Variants in WDR72 observed in about 807,000 individuals in gnomAD.
WDR72 encodes the protein WD repeat domain 72.
Under a neutral mutation model 124.2 loss-of-function variants are expected in WDR72, and 120 were observed. The ratio of observed to expected loss-of-function variants is 0.97; its 90% confidence interval spans 0.83 to 1.12. The LOEUF (loss-of-function observed/expected upper bound fraction) is 1.12. WDR72 is among the 50% of genes most tolerant of loss of function. WDR72 has a pLI of 0.00. For missense variants in WDR72, 1,387 were observed against 1,278.8 expected, an observed-to-expected ratio of 1.08 and a Z score of -1.29; for synonymous variants, 452 against 441.7, an observed-to-expected ratio of 1.02 and a Z score of -0.29.
chr15:53,514,218 T>C lies in WDR72; in HGVS notation c.*3481A>G, dbSNP rs1891318459. The C allele has an allele frequency of 6.6e-6, 1 of 152,214 alleles. No homozygotes were observed. The highest frequency in any genetic ancestry group is 6.5e-5 in the Admixed American group (1 of 15,270). 9.4% of individuals were successfully genotyped at this position (152,214 alleles called of 1,614,324 possible). On this transcript the variant is annotated 3_prime_UTR_variant, in exon 20 of 20. Coordinates refer to ENST00000360509, the MANE Select transcript of WDR72 (RefSeq NM_182758.4). ...GGAAATTAAACACAACTTTTGGCAC[T>C]TTACATATAAGACAACATTTTGTGG...
intron 1 of WDR72, among the ~76,000 whole-genome samples, chr15:53,734,501 C>T (rs1451759581): frequency 6.6e-6 from 1 of 152,148 alleles, no homozygotes; most frequent in Non-Finnish European, 1.5e-5. Context: ...GAGAAAAATG[C>T]ATTATACCTA....
At chr15:53,613,199 C>A (rs1007764213) in intron 16 of WDR72, among the ~76,000 whole-genome samples, 6 of 151,976 alleles carry the variant, frequency 3.9e-5, no homozygotes, top group African/African-American at 1.2e-4. Context: ...GAGAATATAA[C>A]CTTCTGAAAT....
chr15:53,718,444 T>A (rs747185335), intron 3 of WDR72, among the ~76,000 whole-genome samples: 10 of 152,200 alleles, frequency 6.6e-5, no homozygotes, highest in Non-Finnish European at 1.3e-4. Context: ...ATCCCATTGC[T>A]TTCCCTATTT....
chr15:53,648,372 G>A (rs1240133223), intron 14 of WDR72, among the ~76,000 whole-genome samples: 2 of 152,118 alleles, frequency 1.3e-5, no homozygotes, highest in Admixed American at 6.6e-5. Context: ...AATTAAAAGA[G>A]ATGTGGTATG....
intron 17 of WDR72, among the ~76,000 whole-genome samples, chr15:53,600,275 G>A (rs1015714546): frequency 2.0e-5 from 3 of 152,002 alleles, no homozygotes; most frequent in African/African-American, 7.2e-5. Flanking sequence ...AGATTTTACA[G>A]GTAGTCAATA....
intron 14 of WDR72, among the ~76,000 whole-genome samples, chr15:53,620,710 G>T (rs2140376006): frequency 6.6e-6 from 1 of 152,080 alleles, no homozygotes; most frequent in South Asian, 2.1e-4. Context: ...AGATAACATT[G>T]GAAAAACTCT....
chr15:53,761,176 C>T (rs1337674629), upstream of WDR72, among the ~76,000 whole-genome samples: 2 of 151,970 alleles, frequency 1.3e-5, no homozygotes, highest in African/African-American at 4.8e-5. Context: ...AGACATTTTT[C>T]GAAAGAAGGC....
chr15:53,538,963 T>A (rs906414585), intron 18 of WDR72, among the ~76,000 whole-genome samples: 3 of 152,160 alleles, frequency 2.0e-5, no homozygotes, highest in African/African-American at 4.8e-5. Context: ...ATAATAGCAA[T>A]ATTCTATATT....
At chr15:53,605,145 A>C (rs1393050634) in intron 17 of WDR72, among the ~76,000 whole-genome samples, 1 of 152,260 alleles carries the variant, frequency 6.6e-6, no homozygotes, top group East Asian at 1.9e-4. Flanking sequence ...ACTCCATGGA[A>C]TACTATGCAG....
chr15:53,583,132 G>A (rs12437669), intron 18 of WDR72, among the ~76,000 whole-genome samples: 17,212 of 151,874 alleles, frequency 0.11, 1,363 homozygotes, highest in African/African-American at 0.22. Flanking sequence ...ATCCAGTCTA[G>A]TGCCATTCTC....
chr15:53,682,634 A>G (rs1328132605), intron 13 of WDR72, among the ~76,000 whole-genome samples: 2 of 152,010 alleles, frequency 1.3e-5, no homozygotes, highest in Non-Finnish European at 2.9e-5. Context: ...ATCTCTCTCA[A>G]ATTTGAAGTC....
chr15:53,593,210 A>G (rs2095152492), intron 18 of WDR72, among the ~76,000 whole-genome samples: 1 of 152,086 alleles, frequency 6.6e-6, no homozygotes, highest in Admixed American at 6.6e-5. Context: ...CTTTAGTAAG[A>G]GAAGCATGAT....
intron 18 of WDR72, among the ~76,000 whole-genome samples, chr15:53,551,052 C>G (rs1216476855): frequency 6.6e-6 from 1 of 152,090 alleles, no homozygotes; most frequent in African/African-American, 2.4e-5. Flanking sequence ...GACCTTTAAA[C>G]TAAGACCTGA....
At chr15:53,703,115 T>C (rs2140526036) in intron 11 of WDR72, among the ~76,000 whole-genome samples, 1 of 152,180 alleles carries the variant, frequency 6.6e-6, no homozygotes, top group South Asian at 2.1e-4. Context: ...GGTGTCACCA[T>C]AATGCTCACA....
intron 18 of WDR72, among the ~76,000 whole-genome samples, chr15:53,531,970 T>C (rs1057084651): frequency 2.6e-5 from 4 of 152,164 alleles, no homozygotes; most frequent in African/African-American, 7.2e-5. Context: ...TAAGGCAGAA[T>C]GAATGAGAAT....
chr15:53,542,999 C>A (rs1442488485), intron 18 of WDR72, among the ~76,000 whole-genome samples: 1 of 151,840 alleles, frequency 6.6e-6, no homozygotes, highest in Non-Finnish European at 1.5e-5. Flanking sequence ...TAAAGCAAGT[C>A]CTGAGTGACC....
intron 18 of WDR72, among the ~76,000 whole-genome samples, chr15:53,567,002 G>A (rs964630533): frequency 6.6e-6 from 1 of 151,902 alleles, no homozygotes; most frequent in East Asian, 1.9e-4. Flanking sequence ...GTGTCAAATT[G>A]AGGATTTAAA....
At chr15:53,541,469 C>T (rs183203401) in intron 18 of WDR72, among the ~76,000 whole-genome samples, 2 of 150,636 alleles carry the variant, frequency 1.3e-5, no homozygotes, top group East Asian at 1.9e-4. Flanking sequence ...ACAGAAAGGA[C>T]ATCCACAGCA....
intron 13 of WDR72, among the ~76,000 whole-genome samples, chr15:53,689,999 A>G (rs905905861): frequency 7.0e-6 from 1 of 142,478 alleles, no homozygotes; most frequent in Non-Finnish European, 1.5e-5. Flanking sequence ...TCTCACTCAT[A>G]GGTGGGAATT....
Sources: allele counts gnomAD v4.1 joint callset (sites outside exome capture counted in the v4.1 genomes callset), GRCh38; gene constraint gnomAD v4.1.1; transcripts MANE v1.5; gene names NCBI Gene and HGNC (gene_info 2026-07-23, HGNC 2026-07-21).